Variants in LCORL observed in about 807,000 individuals in gnomAD.
The protein encoded by LCORL is ligand-dependent nuclear receptor corepressor-like protein.
A neutral mutation model predicts 141.8 loss-of-function variants in LCORL; 41 were observed. That is an observed-to-expected ratio of 0.29 (90% CI 0.23 to 0.38). LCORL has a LOEUF of 0.38. Among genes scored for constraint, LCORL ranks in the 10% least tolerant of loss-of-function variants. The pLI is 1.00. For synonymous variants in LCORL, 618 were observed against 694.1 expected, an observed-to-expected ratio of 0.89 and a Z score of 1.72; for missense variants, 1,759 against 2,035.0, an observed-to-expected ratio of 0.86 and a Z score of 2.61.
chr4:18,015,803 GA>G (rs2109894545), intron 1 of LCORL, among the ~76,000 whole-genome samples: 1 of 150,434 alleles, frequency 6.6e-6, no homozygotes, highest in South Asian at 2.1e-4. Flanking sequence ...TGATTAACAG[GA>G]AAAGTAAAAT....
chr4:18,021,599 T>C lies in LCORL; in HGVS notation c.153A>G (p.Val51=), dbSNP rs749889051. The change falls in exon 1 of 8, where the codon GTA becomes GTG. Residue 51 remains valine (V), a splice_region_variant and synonymous_variant. Coordinates refer to ENST00000635767, the Ensembl canonical transcript of LCORL. This position sits in a 1 kb window ranked among gnomAD's most constrained non-coding sequence, Gnocchi z 5.5. ...GGCCCCGGCCCGCGTCTCTCTTACC[T>C]ACACAGTGCATGAGGCGGTGGCGCC... is the stretch of plus-strand genomic sequence containing the variant. 4.5e-6 allele frequency: 7 copies of C among 1,542,468 alleles called. No individual in the cohort carries two copies. The highest frequency in any genetic ancestry group is 6.1e-6 in the Non-Finnish European group (7 of 1,143,922).
Position 17,897,013 on chromosome 4 carries a change from T to G in LCORL, c.683-10852A>C, listed in dbSNP as rs146395357. On this transcript the variant is annotated intron_variant, in intron 5 of 7. Coordinates refer to ENST00000635767, the Ensembl canonical transcript of LCORL. ...CCTGATTTTGCTTAACATAATGACC[T>G]CCAGTTCCATCCATCTTGTTGCAAA... is the stretch of plus-strand genomic sequence containing the variant. 3.3e-3 allele frequency among the ~76,000 whole-genome samples: 499 copies of G among 152,134 alleles called. 5 individuals carry two copies. The highest frequency in any genetic ancestry group is 0.011 in the African/African-American group (468 of 41,518).
intron 4 of LCORL, among the ~76,000 whole-genome samples, chr4:17,960,882 C>A (rs1713638201): frequency 6.7e-6 from 1 of 149,170 alleles, no homozygotes; most frequent in Non-Finnish European, 1.5e-5. Context: ...AATTATAGTT[C>A]TTAATTTTAG....
intron 5 of LCORL, among the ~76,000 whole-genome samples, chr4:17,901,022 G>A (rs530937879): frequency 6.6e-6 from 1 of 152,116 alleles, no homozygotes; most frequent in East Asian, 1.9e-4. Flanking sequence ...GACCCGTGCT[G>A]CCTTGTTGGA....
chr4:17,861,455 G>A (rs1212890059), intron 7 of LCORL, among the ~76,000 whole-genome samples: 5 of 152,168 alleles, frequency 3.3e-5, no homozygotes, highest in Admixed American at 2.0e-4. Flanking sequence ...CACACAGCAC[G>A]GGGACCCTGG....
intron 4 of LCORL, among the ~76,000 whole-genome samples, chr4:17,938,327 T>C (rs1737221298): frequency 6.6e-6 from 1 of 151,936 alleles, no homozygotes; most frequent in Non-Finnish European, 1.5e-5. Flanking sequence ...ACTTCTATCC[T>C]ACTGGACTTA....
chr4:17,879,323 T>C (rs1296589724), intron 6 of LCORL, among the ~76,000 whole-genome samples: 3 of 151,092 alleles, frequency 2.0e-5, no homozygotes, highest in Non-Finnish European at 4.5e-5. Flanking sequence ...AATTATGTTA[T>C]TTGAGTAGCA....
chr4:17,917,213 T>A (rs12649308), intron 4 of LCORL, among the ~76,000 whole-genome samples: 1 of 151,648 alleles, frequency 6.6e-6, no homozygotes, highest in East Asian at 1.9e-4. Flanking sequence ...GTTTTGTTTT[T>A]TTTTGAGAAG....
chr4:17,983,007 T>C (rs1324484625), intron 1 of LCORL, among the ~76,000 whole-genome samples: 1 of 152,242 alleles, frequency 6.6e-6, no homozygotes, highest in Non-Finnish European at 1.5e-5. Context: ...CCCAGCACCA[T>C]TTATTGAAAA....
intron 7 of LCORL, among the ~76,000 whole-genome samples, chr4:17,872,145 T>C (rs879526577): frequency 6.6e-6 from 1 of 151,524 alleles, no homozygotes; most frequent in Non-Finnish European, 1.5e-5. Flanking sequence ...TGCAACTATA[T>C]AATATCTTTA....
chr4:17,943,808 C>A (rs1560381541), intron 4 of LCORL, among the ~76,000 whole-genome samples: 1 of 152,000 alleles, frequency 6.6e-6, no homozygotes, highest in Non-Finnish European at 1.5e-5. Context: ...GAGTTTTTGG[C>A]GGGGGTAGGT....
At chr4:17,984,476 T>C (rs1718592816) in intron 1 of LCORL, among the ~76,000 whole-genome samples, 1 of 152,138 alleles carries the variant, frequency 6.6e-6, no homozygotes, top group South Asian at 2.1e-4. Flanking sequence ...CGGAATCAAT[T>C]TCTTCCTGGT....
chr4:17,953,619 C>T (rs184787977), intron 4 of LCORL, among the ~76,000 whole-genome samples: 1 of 152,182 alleles, frequency 6.6e-6, no homozygotes, highest in Non-Finnish European at 1.5e-5. Context: ...TAGCATACTG[C>T]AGCTGTGAGT....
intron 3 of LCORL, among the ~76,000 whole-genome samples, chr4:17,962,483 T>C (rs1022058176): frequency 2.6e-5 from 4 of 152,040 alleles, no homozygotes; most frequent in African/African-American, 4.8e-5. Context: ...GCTGGTTGCA[T>C]AGTTTATGCC....
chr4:17,876,945 A>C (rs1577306389), exon 7 of LCORL: 1 of 1,230,692 alleles, frequency 8.1e-7, no homozygotes, highest in Non-Finnish European at 1.0e-6. Flanking sequence ...TTTACCTTGA[A>C]GTCTTTTAGA....
At chr4:17,926,067 G>A (rs1735096655) in intron 4 of LCORL, among the ~76,000 whole-genome samples, 1 of 152,056 alleles carries the variant, frequency 6.6e-6, no homozygotes, top group Non-Finnish European at 1.5e-5. Context: ...ACTGTATGAA[G>A]GATAGCTGTA....
intron 5 of LCORL, among the ~76,000 whole-genome samples, chr4:17,897,401 T>C (rs923931467): frequency 6.6e-6 from 1 of 151,858 alleles, no homozygotes; most frequent in Non-Finnish European, 1.5e-5. Context: ...AATTATCTTA[T>C]TGGGGTGGAA....
intron 6 of LCORL, chr4:17,881,855 G>A: frequency 1.0e-6 from 1 of 983,916 alleles, no homozygotes; most frequent in Non-Finnish European, 1.2e-6. Context: ...TTCCATTGGG[G>A]GAAGGGGGAA....
intron 5 of LCORL, among the ~76,000 whole-genome samples, chr4:17,901,242 TGA>T (rs1333479758): frequency 1.3e-5 from 2 of 148,702 alleles, no homozygotes; most frequent in East Asian, 3.9e-4. Context: ...AGAGAAAGAG[TGA>T]GAGAGAGCCC....
Sources: allele counts gnomAD v4.1 joint callset (sites outside exome capture counted in the v4.1 genomes callset), GRCh38; gene constraint gnomAD v4.1.1; non-coding constraint Gnocchi (gnomAD v3.1); transcripts MANE v1.5; gene names NCBI Gene and HGNC (gene_info 2026-07-23, HGNC 2026-07-21).